Variants in DRC8 observed in about 807,000 individuals in gnomAD.
DRC8 encodes dynein regulatory complex subunit 8, also known as dynein regulatory complex protein 8.
At chr1:244,969,928 C>T in the DRC8 span, 26 of 455,458 alleles carry the variant, frequency 5.7e-5, no homozygotes, top group African/African-American at 5.3e-4. Context: ...CTGGTTCTAT[C>T]ACCCCCTTGG....
chr1:244,970,521 G>A, the DRC8 span: 91 of 1,495,532 alleles, frequency 6.1e-5, no homozygotes, highest in Non-Finnish European at 7.8e-5. Flanking sequence ...CGCCGGGTGG[G>A]GTGGGCCCTC....
chr1:245,038,197 G>C, the DRC8 span, among the ~76,000 whole-genome samples: 2 of 152,138 alleles, frequency 1.3e-5, no homozygotes, highest in African/African-American at 4.8e-5. Flanking sequence ...GTGGCCCAGC[G>C]TGGTGGCTCA....
chr1:245,087,424 C>T, the DRC8 span: 1 of 1,513,118 alleles, frequency 6.6e-7, no homozygotes, highest in East Asian at 2.3e-5. Flanking sequence ...TTGTTAATTT[C>T]ACATCTTATC....
At chr1:245,091,121 G>A in the DRC8 span, 1 of 152,284 alleles carries the variant, frequency 6.6e-6, no homozygotes, top group Admixed American at 6.5e-5. Context: ...CAGAGATGAG[G>A]ATGAACCGCG....
chr1:244,978,842 G>T, the DRC8 span, among the ~76,000 whole-genome samples: 3 of 152,140 alleles, frequency 2.0e-5, no homozygotes, highest in African/African-American at 7.2e-5. Flanking sequence ...TAAAAACCTG[G>T]ACTAGAATTT....
the DRC8 span, among the ~76,000 whole-genome samples, chr1:245,089,411 G>A: frequency 6.6e-6 from 1 of 152,142 alleles, no homozygotes; most frequent in East Asian, 1.9e-4. This position sits in a 1 kb window ranked among gnomAD's most constrained non-coding sequence, Gnocchi z 4.8. Flanking sequence ...CAGCATTTAC[G>A]GGAAGGCAGA....
At chr1:245,089,061 AAG>A in the DRC8 span, among the ~76,000 whole-genome samples, 100 of 152,316 alleles carry the variant, frequency 6.6e-4, no homozygotes, top group Non-Finnish European at 1.2e-3. This position sits in a 1 kb window ranked among gnomAD's most constrained non-coding sequence, Gnocchi z 4.8. Flanking sequence ...TTGAAAGGTC[AAG>A]ACTAGAAGTG....
At chr1:244,985,515 A>T in the DRC8 span, among the ~76,000 whole-genome samples, 1 of 152,170 alleles carries the variant, frequency 6.6e-6, no homozygotes, top group Admixed American at 6.5e-5. Flanking sequence ...AATAAAACAG[A>T]TTTGGGCCCT....
chr1:245,097,526 A>AG, the DRC8 span, among the ~76,000 whole-genome samples: 39 of 152,220 alleles, frequency 2.6e-4, no homozygotes, highest in South Asian at 2.5e-3. The surrounding 1 kb of genome is among the most constrained non-coding windows in gnomAD (Gnocchi z 5.0). Flanking sequence ...TCAAAAAAAA[A>AG]AAAAGAAAGA....
chr1:245,073,446 A>G, the DRC8 span, among the ~76,000 whole-genome samples: 3 of 152,202 alleles, frequency 2.0e-5, no homozygotes, highest in Non-Finnish European at 4.4e-5. Context: ...AGCTTCATTA[A>G]TTTTTAACAC....
chr1:245,027,611 A>T, the DRC8 span, among the ~76,000 whole-genome samples: 5 of 152,330 alleles, frequency 3.3e-5, no homozygotes, highest in South Asian at 1.0e-3. Flanking sequence ...AAAAAGTGTC[A>T]GTTGATTCCT....
the DRC8 span, among the ~76,000 whole-genome samples, chr1:244,975,953 T>C: frequency 3.3e-5 from 5 of 152,072 alleles, no homozygotes; most frequent in Non-Finnish European, 7.4e-5. Flanking sequence ...AATTAGTAAG[T>C]ATTAGTATCT....
At chr1:244,984,510 G>A in the DRC8 span, among the ~76,000 whole-genome samples, 1 of 152,134 alleles carries the variant, frequency 6.6e-6, no homozygotes, top group Non-Finnish European at 1.5e-5. Context: ...CTTATTAAGA[G>A]TAAATGTATT....
the DRC8 span, chr1:244,970,479 C>T: frequency 6.6e-7 from 1 of 1,522,868 alleles, no homozygotes. Context: ...CTGCCCTCGC[C>T]GCCCGCCGCG....
At chr1:245,033,243 C>T in the DRC8 span, among the ~76,000 whole-genome samples, 1 of 152,138 alleles carries the variant, frequency 6.6e-6, no homozygotes, top group African/African-American at 2.4e-5. Context: ...TCCACAGGTG[C>T]CGGTGTGGGT....
At chr1:245,076,843 C>T in the DRC8 span, among the ~76,000 whole-genome samples, 1 of 152,056 alleles carries the variant, frequency 6.6e-6, no homozygotes, top group Non-Finnish European at 1.5e-5. Context: ...CCTCCTGCCT[C>T]AGCCTCCCGA....
the DRC8 span, among the ~76,000 whole-genome samples, chr1:245,011,953 T>C: frequency 6.6e-6 from 1 of 152,194 alleles, no homozygotes; most frequent in Non-Finnish European, 1.5e-5. Context: ...CAGTGGCTCA[T>C]GCCTGTAATC....
the DRC8 span, among the ~76,000 whole-genome samples, chr1:245,069,400 T>C: frequency 6.6e-6 from 1 of 152,144 alleles, no homozygotes; most frequent in Non-Finnish European, 1.5e-5. Context: ...GTCTTCACAC[T>C]GAGTAGGCTG....
chr1:245,014,822 C>T, the DRC8 span, among the ~76,000 whole-genome samples: 3,746 of 152,170 alleles, frequency 0.025, 171 homozygotes, highest in African/African-American at 0.086. Flanking sequence ...AAAGTATATA[C>T]AGTACCTGAC....
Sources: allele counts gnomAD v4.1 joint callset (sites outside exome capture counted in the v4.1 genomes callset), GRCh38; gene constraint gnomAD v4.1.1; non-coding constraint Gnocchi (gnomAD v3.1); transcripts MANE v1.5; gene names NCBI Gene and HGNC (gene_info 2026-07-23, HGNC 2026-07-21).